CNTNAP5: variants seen among roughly 807,000 people sequenced by gnomAD.
CNTNAP5 encodes the protein contactin-associated protein-like 5.
Under a neutral mutation model 150.2 loss-of-function variants are expected in CNTNAP5, and 72 were observed. That is an observed-to-expected ratio of 0.48 (90% CI 0.40 to 0.58). The LOEUF is 0.58. Among genes scored for constraint, CNTNAP5 ranks in the 20% least tolerant of loss-of-function variants. The probability of loss-of-function intolerance (pLI) is 0.00; values close to 1 mark genes in which losing one functional copy is unlikely to be tolerated. For missense variants in CNTNAP5, 1,636 were observed against 1,626.2 expected (o/e 1.01, Z -0.10); for synonymous variants, 672 against 619.8 (o/e 1.08, Z -1.25).
In CNTNAP5 at chr2:124,713,297, CTTT is replaced by C. The variant is rs1558746807; in HGVS notation, c.2078-33931_2078-33929del. ...TCTTTCTTTCTTTCTTTCTTTCTTT[CTTT>C]CTTCTTTCTCTTTCTTTCCTTTCTT... On this transcript the variant is annotated intron_variant, in intron 13 of 23. Transcript: ENST00000682447. Among the ~76,000 whole-genome samples, 156 of 102,678 alleles carry C rather than the reference CTTT, an allele frequency of 1.5e-3. 9 individuals are homozygous for C. The Middle Eastern group carries it at 0.015, about 10-fold the overall frequency. The allele number at this position is 102,678 out of a possible 152,430, so 67.4% of individuals were successfully genotyped here. A position where few individuals can be genotyped will look rare whatever the true frequency, so the allele number is the denominator to read the frequency against.
chr2:124,217,382 G>T (rs1319436354), intron 1 of CNTNAP5, among the ~76,000 whole-genome samples: 1 of 152,160 alleles, frequency 6.6e-6, no homozygotes, highest in Non-Finnish European at 1.5e-5. Context: ...AGAAGTCTGA[G>T]ATGCATGTGG....
Position 124,504,542 on chromosome 2 carries a change from C to G in CNTNAP5, c.1313C>G (p.Ala438Gly), listed in dbSNP as rs750755912. ...LVIQKMTERV[A>G]EILTGSNLND... ...ATTCAGAAAATGACAGAACGCGTAG[C>G]TGAAATCCTCACAGGTACTGTCTGC... Residue 438 changes from alanine to glycine, a missense_variant, in exon 8 of 24, where the codon GCT becomes GGT. Coordinates refer to ENST00000682447, the MANE Select transcript of CNTNAP5 (RefSeq NM_001367498.1). The G allele has an allele frequency of 6.2e-6, 10 of 1,613,508 alleles. No homozygotes were observed. Among genetic ancestry groups the G allele is most frequent in the Non-Finnish European group, 7.6e-6 (9 of 1,179,810 alleles).
At chr2:124,476,609 A>G (rs752646174) in intron 7 of CNTNAP5, among the ~76,000 whole-genome samples, 6 of 152,152 alleles carry the variant, frequency 3.9e-5, no homozygotes, top group African/African-American at 1.2e-4. Flanking sequence ...CGCAGTTGAT[A>G]CCATAGGGAG....
chr2:124,598,695 T>G (rs1190002462), intron 11 of CNTNAP5, among the ~76,000 whole-genome samples: 179 of 151,984 alleles, frequency 1.2e-3, no homozygotes, highest in Admixed American at 0.011. Flanking sequence ...CCCGGCTGCT[T>G]TGTTTACCTA....
intron 3 of CNTNAP5, among the ~76,000 whole-genome samples, chr2:124,403,962 GA>G (rs1235769988): frequency 1.3e-5 from 2 of 152,104 alleles, no homozygotes; most frequent in Non-Finnish European, 2.9e-5. Flanking sequence ...GAATAGCATG[GA>G]AAAAAACCCA....
In CNTNAP5 at chr2:124,869,746, C is replaced by T. The variant is rs781680213; in HGVS notation, c.3420C>T (p.Thr1140=). The T allele has an allele frequency of 6.2e-6, 10 of 1,608,688 alleles. No individual in the cohort carries two copies. The South Asian group carries it at 9.9e-5, about 16-fold the overall frequency. ...AGTTCAGGGTTATAAGGTCACTCAC[C>T]TTGGGCAAAGTCACAGGTATGTTGT... ...EVEFRVIRSL[T]LGKVTENLGL... Residue 1140 remains threonine, a synonymous_variant, in exon 21 of 24, where the codon ACC becomes ACT. Coordinates refer to ENST00000682447, the MANE Select transcript of CNTNAP5 (RefSeq NM_001367498.1).
chr2:124,285,850 G>A (rs1416993322), intron 3 of CNTNAP5, among the ~76,000 whole-genome samples: 1 of 151,808 alleles, frequency 6.6e-6, no homozygotes, highest in Non-Finnish European at 1.5e-5. Context: ...GAAAAGAGAA[G>A]AGAGAAAACC....
intron 1 of CNTNAP5, among the ~76,000 whole-genome samples, chr2:124,139,971 A>C (rs1684070797): frequency 6.6e-6 from 1 of 152,160 alleles, no homozygotes; most frequent in African/African-American, 2.4e-5. Context: ...GCATTGCCTC[A>C]CTCGGGAAGC....
rs947076345 is a variant in CNTNAP5 at position 124,217,790 on chromosome 2, C to T, written c.83-3915C>T. Among the ~76,000 whole-genome samples, 6 of 152,104 alleles carry T rather than the reference C, an allele frequency of 3.9e-5. No individual in the cohort carries two copies. The South Asian group carries it at 6.2e-4, about 16-fold the overall frequency. On this transcript the variant is annotated intron_variant, in intron 1 of 23. Coordinates refer to ENST00000682447, the MANE Select transcript of CNTNAP5 (RefSeq NM_001367498.1). ...CATATACTGCTTCCTATTCTCATTA[C>T]GGGCTTTATACTTAAAAGGGGACAT...
intron 3 of CNTNAP5, among the ~76,000 whole-genome samples, chr2:124,243,083 T>C (rs1219661202): frequency 6.6e-6 from 1 of 152,180 alleles, no homozygotes; most frequent in Non-Finnish European, 1.5e-5. Flanking sequence ...TGAAAGGCTG[T>C]CAGCAAATTA....
intron 11 of CNTNAP5, among the ~76,000 whole-genome samples, chr2:124,568,510 G>A (rs1423305336): frequency 6.6e-6 from 1 of 152,186 alleles, no homozygotes; most frequent in Non-Finnish European, 1.5e-5. Flanking sequence ...GAATACTGAA[G>A]CACACTTACT....
At chr2:124,681,740 T>C (rs1344035705) in intron 13 of CNTNAP5, among the ~76,000 whole-genome samples, 2 of 152,134 alleles carry the variant, frequency 1.3e-5, no homozygotes, top group Non-Finnish European at 1.5e-5. Flanking sequence ...ATTTTTTGTA[T>C]TTTTATTAGA....
intron 1 of CNTNAP5, among the ~76,000 whole-genome samples, chr2:124,199,020 C>T (rs1685655595): frequency 6.6e-6 from 1 of 152,034 alleles, no homozygotes; most frequent in Non-Finnish European, 1.5e-5. Flanking sequence ...CTATCCCATG[C>T]CAATATTCAC....
chr2:124,644,615 A>T (rs184712082), intron 12 of CNTNAP5, among the ~76,000 whole-genome samples: 1 of 152,302 alleles, frequency 6.6e-6, no homozygotes, highest in Admixed American at 6.5e-5. Context: ...GAATTAGTAA[A>T]TATGGAGACC....
At chr2:124,706,798 G>GAAGAAGAAGAAGAAGAAGA (rs1558743008) in intron 13 of CNTNAP5, among the ~76,000 whole-genome samples, 1 of 7,340 alleles carries the variant, frequency 1.4e-4, no homozygotes, top group Non-Finnish European at 3.3e-4. Context: ...GAAGAAGAAG[G>GAAGAAGAAGAAGAAGAAGA]AGGAGGAGGA....
In CNTNAP5 at chr2:124,217,673, T is replaced by A. The variant is rs183961019; in HGVS notation, c.83-4032T>A. Reference sequence around the variant, plus strand: ...GAATGAGCTATTTATGATACCAATTTGTGGGCAAGTTTTGTGGAAGAGAAA... The same window carrying A: ...GAATGAGCTATTTATGATACCAATTAGTGGGCAAGTTTTGTGGAAGAGAAA... On this transcript the variant is annotated intron_variant, in intron 1 of 23. Transcript: ENST00000682447. 4.3e-4 allele frequency among the ~76,000 whole-genome samples: 65 copies of A among 152,314 alleles called. No individual in the cohort carries two copies. In the East Asian group the frequency reaches 5.6e-3, roughly 13 times the overall value.
Position 124,179,478 on chromosome 2 carries a change from C to T in CNTNAP5, c.83-42227C>T, listed in dbSNP as rs116443778. Among the ~76,000 whole-genome samples, 1,244 of 152,264 alleles carry T rather than the reference C, an allele frequency of 8.2e-3. 17 individuals carry two copies. The highest frequency in any genetic ancestry group is 0.028 in the African/African-American group (1,144 of 41,570). On this transcript the variant is annotated intron_variant, in intron 1 of 23. Coordinates refer to ENST00000682447, the MANE Select transcript of CNTNAP5 (RefSeq NM_001367498.1). ...CCCGGCCTAACTTCAGTTATTGGTA[C>T]TGAACACATCAATTTTGCTTAGGAA...
At chr2:124,587,577 T>C (rs917255513) in intron 11 of CNTNAP5, among the ~76,000 whole-genome samples, 6 of 152,172 alleles carry the variant, frequency 3.9e-5, no homozygotes, top group Non-Finnish European at 7.4e-5. Flanking sequence ...TCTTTCTGGC[T>C]CAGATCTTTA....
chr2:124,159,836 A>C lies in CNTNAP5; in HGVS notation c.83-61869A>C, dbSNP rs142248469. Reference sequence around the variant, plus strand: ...GTATTAAAAAATCAAAAATTCTATGAAATTCATAAGAAAAATTGTTCATCC... The same window carrying C: ...GTATTAAAAAATCAAAAATTCTATGCAATTCATAAGAAAAATTGTTCATCC... On this transcript the variant is annotated intron_variant, in intron 1 of 23. Transcript: ENST00000682447. Among the ~76,000 whole-genome samples the C allele has an allele frequency of 3.2e-3, 480 of 152,326 alleles. 3 individuals carry two copies. Among genetic ancestry groups the C allele is most frequent in the Admixed American group, 9.4e-3 (144 of 15,298 alleles).
Sources: allele counts gnomAD v4.1 joint callset (sites outside exome capture counted in the v4.1 genomes callset), GRCh38; gene constraint gnomAD v4.1.1; transcripts MANE v1.5; gene names NCBI Gene and HGNC (gene_info 2026-07-23, HGNC 2026-07-21).